The following CNTN5 variants were observed in gnomAD, a reference collection of about 807,000 sequenced individuals.
CNTN5 encodes the protein contactin 5.
CNTN5 carries 77 observed loss-of-function variants against 129.1 expected under a neutral mutation model. That is an observed-to-expected ratio of 0.60 (90% CI 0.50 to 0.72). The LOEUF (loss-of-function observed/expected upper bound fraction) is 0.72, where lower values mean the gene tolerates loss of function less well. CNTN5 is among the 30% of genes least tolerant of loss of function. CNTN5 has a pLI of 0.00. For missense variants in CNTN5, 1,478 were observed against 1,328.8 expected, an observed-to-expected ratio of 1.11 and a Z score of -1.75; for synonymous variants, 509 against 465.6, an observed-to-expected ratio of 1.09 and a Z score of -1.20.
chr11:100,169,186 A>G (rs1947748263), intron 13 of CNTN5, among the ~76,000 whole-genome samples: 2 of 152,028 alleles, frequency 1.3e-5, no homozygotes, highest in South Asian at 4.1e-4. Flanking sequence ...ATATCACATC[A>G]ACTTTGTTGA....
At chr11:99,783,578 C>A (rs1265603677) in intron 3 of CNTN5, among the ~76,000 whole-genome samples, 1 of 108,334 alleles carries the variant, frequency 9.2e-6, no homozygotes, top group Admixed American at 1.0e-4. Context: ...CCCAAATGTC[C>A]AACAATGATA....
At chr11:100,000,932 C>T (rs915240921) in intron 8 of CNTN5, among the ~76,000 whole-genome samples, 9 of 152,250 alleles carry the variant, frequency 5.9e-5, no homozygotes, top group Admixed American at 2.0e-4. Context: ...AGCTAGAACA[C>T]GAGACACCAT....
chr11:100,196,286 A>G lies in CNTN5; in HGVS notation c.1884+2623A>G, dbSNP rs1310800563. Among the ~76,000 whole-genome samples the G allele has an allele frequency of 1.3e-4, 19 of 151,824 alleles. No homozygotes were observed. In the East Asian group the frequency reaches 3.7e-3, roughly 30 times the overall value. ...ACATTACCACTGCATGAGGTAACTT[A>G]AACTAACTAAACCTCTCAGGTGGGA... On this transcript the variant is annotated intron_variant, in intron 15 of 24. Coordinates refer to ENST00000524871, the MANE Select transcript of CNTN5 (RefSeq NM_014361.4).
At position 99,291,423 on chromosome 11, in the gene CNTN5, C is replaced by T. The variant is rs912256369; in HGVS notation, c.-209-33923C>T. On this transcript the variant is annotated intron_variant, in intron 1 of 24. Coordinates refer to ENST00000524871, the MANE Select transcript of CNTN5 (RefSeq NM_014361.4). ...AATAAATTGTTTAAAACAGCATTTG[C>T]TATGCTGTGTCTTATAGGAGTTGTC... Among the ~76,000 whole-genome samples the T allele has an allele frequency of 4.6e-5, 7 of 151,934 alleles. No individual in the cohort carries two copies. The East Asian group carries it at 7.7e-4, about 17-fold the overall frequency.
In CNTN5 at chr11:99,089,384, C is replaced by A. The variant is rs1482118594; in HGVS notation, c.-210+68114C>A. Among the ~76,000 whole-genome samples the A allele has an allele frequency of 1.3e-5, 2 of 152,082 alleles. 1 individual carries two copies. The highest frequency in any genetic ancestry group is 4.2e-4 in the South Asian group (2 of 4,818). ...ATAACTATAAGCACTTTATATAGAT[C>A]AACTATTTTATTCTCATTTAACGCT... On this transcript the variant is annotated intron_variant, in intron 1 of 24. Coordinates refer to ENST00000524871, the MANE Select transcript of CNTN5 (RefSeq NM_014361.4).
intron 3 of CNTN5, among the ~76,000 whole-genome samples, chr11:99,769,309 T>C (rs1490175263): frequency 2.6e-5 from 4 of 152,174 alleles, no homozygotes; most frequent in Admixed American, 2.6e-4. Flanking sequence ...ATTCCTAGTT[T>C]AGTAAGAAAG....
chr11:99,735,672 A>G (rs1591062973), intron 3 of CNTN5, among the ~76,000 whole-genome samples: 1 of 152,204 alleles, frequency 6.6e-6, no homozygotes, highest in African/African-American at 2.4e-5. Flanking sequence ...ACTGAGGTAT[A>G]ATTGACAAAC....
At chr11:100,256,790 G>A (rs1950080407) in intron 17 of CNTN5, among the ~76,000 whole-genome samples, 1 of 152,094 alleles carries the variant, frequency 6.6e-6, no homozygotes. Flanking sequence ...ACTTTTCTCA[G>A]AGTCTTCACA....
At chr11:100,200,324 T>G (rs1258072930) in intron 15 of CNTN5, among the ~76,000 whole-genome samples, 1 of 151,946 alleles carries the variant, frequency 6.6e-6, no homozygotes, top group Non-Finnish European at 1.5e-5. Context: ...GGTAACGTCT[T>G]CAAGTTGTCC....
At chr11:99,573,561 G>A (rs1949247791) in intron 3 of CNTN5, among the ~76,000 whole-genome samples, 1 of 147,612 alleles carries the variant, frequency 6.8e-6, no homozygotes, top group Non-Finnish European at 1.5e-5. Flanking sequence ...CAGACAGAGT[G>A]AGACTCCGTC....
intron 1 of CNTN5, among the ~76,000 whole-genome samples, chr11:99,312,970 A>G (rs1441678079): frequency 6.6e-6 from 1 of 152,104 alleles, no homozygotes; most frequent in Non-Finnish European, 1.5e-5. Flanking sequence ...AGTGGTTTTA[A>G]TAGAACGAGC....
chr11:99,814,894 C>G (rs79171122), intron 3 of CNTN5, among the ~76,000 whole-genome samples: 3 of 152,196 alleles, frequency 2.0e-5, no homozygotes, highest in Middle Eastern at 3.4e-3. Flanking sequence ...AGGAAACTTA[C>G]AATCATGATG....
intron 3 of CNTN5, among the ~76,000 whole-genome samples, chr11:99,583,329 G>C (rs886837354): frequency 6.6e-6 from 1 of 152,184 alleles, no homozygotes; most frequent in Non-Finnish European, 1.5e-5. Flanking sequence ...TGTGCTGGGA[G>C]TACCACTACT....
At chr11:99,233,233 A>G (rs1470554639) in intron 1 of CNTN5, among the ~76,000 whole-genome samples, 1 of 152,214 alleles carries the variant, frequency 6.6e-6, no homozygotes, top group Non-Finnish European at 1.5e-5. Flanking sequence ...TAAATATGCC[A>G]TTCACTTGGT....
chr11:99,173,641 G>C (rs1857632915), intron 1 of CNTN5, among the ~76,000 whole-genome samples: 1 of 152,160 alleles, frequency 6.6e-6, no homozygotes, highest in South Asian at 2.1e-4. Context: ...GAACAATTAT[G>C]TGGATTATTA....
At chr11:100,246,310 G>A (rs143077706) in intron 16 of CNTN5, among the ~76,000 whole-genome samples, 6 of 152,256 alleles carry the variant, frequency 3.9e-5, no homozygotes, top group African/African-American at 1.4e-4. Context: ...CAAGGAAACT[G>A]AGACTTAATG....
intron 17 of CNTN5, among the ~76,000 whole-genome samples, chr11:100,261,455 T>C (rs1207782803): frequency 3.9e-5 from 6 of 152,110 alleles, no homozygotes; most frequent in African/African-American, 1.4e-4. Context: ...TACTTTAAAT[T>C]TCATGTGGAA....
intron 3 of CNTN5, among the ~76,000 whole-genome samples, chr11:99,556,975 A>T (rs573504996): frequency 6.6e-6 from 1 of 151,424 alleles, no homozygotes; most frequent in East Asian, 1.9e-4. Flanking sequence ...TAGAAATTAA[A>T]TTGTGGTCAT....
chr11:99,783,911 G>A (rs1288611135), intron 3 of CNTN5, among the ~76,000 whole-genome samples: 1 of 151,606 alleles, frequency 6.6e-6, no homozygotes, highest in Non-Finnish European at 1.5e-5. Context: ...CATGGCACAT[G>A]TATACATATG....
Sources: allele counts gnomAD v4.1 joint callset (sites outside exome capture counted in the v4.1 genomes callset), GRCh38; gene constraint gnomAD v4.1.1; transcripts MANE v1.5; gene names NCBI Gene and HGNC (gene_info 2026-07-23, HGNC 2026-07-21).